The following FOXN3 variants were observed in gnomAD, a reference collection of about 807,000 sequenced individuals.
The protein encoded by FOXN3 is forkhead box protein N3.
A neutral mutation model predicts 38.4 loss-of-function variants in FOXN3; 7 were observed. The ratio of observed to expected loss-of-function variants is 0.18; its 90% CI spans 0.10 to 0.34. The LOEUF is 0.34. Ranked by LOEUF, FOXN3 falls within the 10% of genes least tolerant of loss-of-function variation. The pLI, the probability that FOXN3 is intolerant of heterozygous loss-of-function variation, is 1.00. For synonymous variants in FOXN3, 230 were observed against 242.2 expected, an observed-to-expected ratio of 0.95 and a Z score of 0.47; for missense variants, 456 against 613.4, an observed-to-expected ratio of 0.74 and a Z score of 2.71.
chr14:89,530,420 T>C (rs1199172241), intron 1 of FOXN3, among the ~76,000 whole-genome samples: 1 of 151,976 alleles, frequency 6.6e-6, no homozygotes, highest in African/African-American at 2.4e-5. Context: ...TCATGAGACT[T>C]ATTCACCACC....
chr14:89,210,043 G>A (rs565787385), intron 4 of FOXN3, among the ~76,000 whole-genome samples: 2 of 152,328 alleles, frequency 1.3e-5, no homozygotes, highest in South Asian at 4.1e-4. Context: ...TGCAAAATAT[G>A]TGCCTACTTT....
Position 89,447,814 on chromosome 14 carries a change from C to CTTTTTT in FOXN3, c.-14-35330_-14-35325dup, listed in dbSNP as rs3057950. The stretch of plus-strand genomic sequence containing the variant: ...CAGTGGTTTCCTGATGCCTTTCTTC[C>CTTTTTT]TTTTTTTTTTTTTTTTTTTTTTGAG... On this transcript the variant is annotated intron_variant, in intron 1 of 6. Transcript: ENST00000345097. Among the ~76,000 whole-genome samples, 369 of 92,768 alleles carry CTTTTTT rather than the reference C, an allele frequency of 4.0e-3. 15 individuals are homozygous for CTTTTTT. The highest frequency in any genetic ancestry group is 0.012 in the East Asian group (41 of 3,302). 60.9% of individuals were successfully genotyped at this position (92,768 alleles called of 152,430 possible).
intron 2 of FOXN3, among the ~76,000 whole-genome samples, chr14:89,406,472 A>G (rs1245589125): frequency 6.6e-6 from 1 of 152,166 alleles, no homozygotes; most frequent in Admixed American, 6.5e-5. Flanking sequence ...GTTCCTTCCA[A>G]TTAGGTTCCT....
chr14:89,191,331 G>A (rs1034259736), intron 4 of FOXN3, among the ~76,000 whole-genome samples: 9 of 152,206 alleles, frequency 5.9e-5, no homozygotes, highest in East Asian at 1.9e-4. Flanking sequence ...CCAGCGCAGC[G>A]TCCCAGCTGC....
At chr14:89,255,286 G>A (rs749729928) in intron 4 of FOXN3, among the ~76,000 whole-genome samples, 1 of 152,180 alleles carries the variant, frequency 6.6e-6, no homozygotes, top group Non-Finnish European at 1.5e-5. Context: ...TTCAACTGAT[G>A]CCCAAATCTC....
intron 1 of FOXN3, among the ~76,000 whole-genome samples, chr14:89,513,347 C>CAG: frequency 6.6e-6 from 1 of 151,698 alleles, no homozygotes; most frequent in South Asian, 2.1e-4. Context: ...CTCTCAGCCT[C>CAG]CTGAGCAGCT....
chr14:89,179,423 T>G (rs1887606685), intron 5 of FOXN3, among the ~76,000 whole-genome samples: 2 of 152,164 alleles, frequency 1.3e-5, no homozygotes, highest in Admixed American at 1.3e-4. Flanking sequence ...TTGGTTTCCT[T>G]TTGGACATGA....
chr14:89,313,848 T>C (rs75315720), intron 3 of FOXN3, among the ~76,000 whole-genome samples: 11,512 of 152,214 alleles, frequency 0.076, 588 homozygotes, highest in South Asian at 0.14. Context: ...TGGATGAATC[T>C]TGGGGACACT....
In FOXN3 at chr14:89,566,921, T is replaced by A. The variant is rs182554547; in HGVS notation, c.-15+52107A>T. ...CCCCCTCCTTCTCCCCTCTTCCTCC[T>A]CCTCCCTTGCCTTTTTTCCTCTAAG... On this transcript the variant is annotated intron_variant, in intron 1 of 6. Coordinates refer to the FOXN3 transcript ENST00000345097. 2.0e-5 allele frequency among the ~76,000 whole-genome samples: 3 copies of A among 148,262 alleles called. No individual in the cohort carries two copies. The East Asian group carries it at 6.2e-4, about 31-fold the overall frequency.
intron 1 of FOXN3, among the ~76,000 whole-genome samples, chr14:89,534,101 T>C (rs1025051986): frequency 5.9e-5 from 4 of 67,748 alleles, no homozygotes; most frequent in African/African-American, 1.5e-4. Context: ...TTATACATTC[T>C]TTTTTTTTTT....
At chr14:89,387,187 C>T (rs565122581) in intron 2 of FOXN3, among the ~76,000 whole-genome samples, 7 of 152,044 alleles carry the variant, frequency 4.6e-5, no homozygotes, top group Admixed American at 1.3e-4. Flanking sequence ...ACCCAGAAGG[C>T]GAAGGTTGCA....
intron 3 of FOXN3, among the ~76,000 whole-genome samples, chr14:89,313,418 C>T (rs1020878025): frequency 1.7e-4 from 26 of 152,074 alleles, no homozygotes; most frequent in Admixed American, 3.3e-4. Flanking sequence ...ATTAGCTGGG[C>T]GTGGTGGCGC....
intron 1 of FOXN3, among the ~76,000 whole-genome samples, chr14:89,498,210 C>CTTTTTTTTTTTT (rs547081117): frequency 4.9e-5 from 4 of 81,072 alleles, no homozygotes; most frequent in African/African-American, 1.2e-4. Context: ...CTCTCTCTCT[C>CTTTTTTTTTTTT]TTTTTTTTTT....
intron 1 of FOXN3, among the ~76,000 whole-genome samples, chr14:89,456,494 C>T (rs988162061): frequency 1.3e-5 from 2 of 152,218 alleles, no homozygotes; most frequent in African/African-American, 4.8e-5. Flanking sequence ...TGGCTCATGC[C>T]TGTAATCCCA....
intron 3 of FOXN3, among the ~76,000 whole-genome samples, chr14:89,310,307 G>A (rs533477033): frequency 2.6e-5 from 4 of 152,298 alleles, no homozygotes; most frequent in Admixed American, 6.5e-5. Context: ...CTGCCTCCAC[G>A]AGGCGACAGA....
chr14:89,376,395 G>A (rs1164371657), intron 2 of FOXN3, among the ~76,000 whole-genome samples: 1 of 152,182 alleles, frequency 6.6e-6, no homozygotes, highest in African/African-American at 2.4e-5. Context: ...GCCACCATTA[G>A]AGGCGATTAT....
At chr14:89,273,200 C>T (rs1015687212) in intron 4 of FOXN3, among the ~76,000 whole-genome samples, 3 of 152,210 alleles carry the variant, frequency 2.0e-5, no homozygotes, top group Non-Finnish European at 4.4e-5. Context: ...AACCTATGCC[C>T]ATAAGCTTCC....
intron 3 of FOXN3, among the ~76,000 whole-genome samples, chr14:89,303,947 T>TTCACAGGGGTAAATC: frequency 6.6e-6 from 1 of 152,324 alleles, no homozygotes; most frequent in South Asian, 2.1e-4. Context: ...AGAAGAGATT[T>TTCACAGGGGTAAATC]ACACACCCCT....
intron 1 of FOXN3, among the ~76,000 whole-genome samples, chr14:89,426,506 A>G (rs1447326077): frequency 1.3e-5 from 2 of 152,032 alleles, no homozygotes; most frequent in Non-Finnish European, 2.9e-5. Context: ...GGAAGGCCTG[A>G]GCCACCATGC....
Sources: gnomAD v4.1 joint callset for allele counts (sites outside exome capture counted in the v4.1 genomes callset) on GRCh38, gnomAD v4.1.1 for gene constraint, MANE v1.5 for transcripts, NCBI Gene and HGNC (gene_info 2026-07-23, HGNC 2026-07-21) for gene names.